Variants in PLXNB3 observed in about 807,000 individuals in gnomAD.
PLXNB3 encodes the protein plexin B3.
Under a neutral mutation model 125.7 loss-of-function variants are expected in PLXNB3, and 80 were observed. The observed-to-expected ratio is 0.64, with a 90% confidence interval of 0.53 to 0.77. PLXNB3 has a LOEUF of 0.77. Ranked by LOEUF, PLXNB3 falls within the 30% of genes least tolerant of loss-of-function variation. The pLI is 0.00. For synonymous variants in PLXNB3, 954 were observed against 783.3 expected, an observed-to-expected ratio of 1.22 and a Z score of -3.64; for missense variants, 1,836 against 1,729.3, an observed-to-expected ratio of 1.06 and a Z score of -1.09.
rs1440146266 is a variant in PLXNB3 at position 153,767,363 on chromosome X, C to T, written c.536C>T (p.Pro179Leu). The change falls in exon 3 of 36, where the codon CCC (proline) becomes CTC (leucine). Residue 179 changes from proline (P) to leucine (L), a missense_variant. Pro to Leu is a moderately conservative substitution (Grantham distance 98, BLOSUM62 -3). Transcript: ENST00000361971. Reference protein sequence around the residue: ...PGVATVGLVVPLPGRDLLLVA... With the variant: ...PGVATVGLVVLLPGRDLLLVA... ...GTGGCAACGGTGGGGCTGGTGGTGC[C>T]CTTGCCCGGCCGGGACCTCCTGCTT... 8.4e-7 allele frequency: 1 copy of T among 1,193,161 alleles called. No homozygotes were observed. The highest frequency in any genetic ancestry group is 1.1e-6 in the Non-Finnish European group (1 of 886,674).
chrX:153,766,616 C>T (rs1046035077), intron 2 of PLXNB3: 121 of 1,058,869 alleles, frequency 1.1e-4, no homozygotes, highest in Non-Finnish European at 1.3e-4. Flanking sequence ...TCCTTGTGTG[C>T]TTGTGCGTGC....
At chrX:153,773,074 G>T in intron 17 of PLXNB3, 58 bp downstream of exon 17, 3 of 1,112,724 alleles carry the variant, frequency 2.7e-6, no homozygotes, top group East Asian at 3.1e-5. Flanking sequence ...CTCAGTGGGG[G>T]TGGTACATTT....
chrX:153,770,360 C>T lies in PLXNB3; in HGVS notation c.1809C>T (p.Ala603=), dbSNP rs2091913903. The T allele has an allele frequency of 8.3e-7, 1 of 1,210,101 alleles. No individual in the cohort carries two copies. Residue 603 remains alanine (A), a synonymous_variant, in exon 9 of 36, where the codon GCC becomes GCT. Transcript: ENST00000361971. ...PGTDHVTVPL[A]LMFEDVTVAA... ...CAGACCACGTCACTGTGCCCCTGGC[C>T]CTGATGTTCGAGGACGTGACTGTGG...
chrX:153,772,371 G>A, intron 16 of PLXNB3, 84 bp downstream of exon 16: 1 of 716,764 alleles, frequency 1.4e-6, no homozygotes. Context: ...AGGATGTCAA[G>A]CTGGGTCTGC....
chrX:153,774,903 C>CG lies in PLXNB3; in HGVS notation c.3955_3956insG (p.Leu1319ArgfsTer37), dbSNP rs1557063468. On this transcript the variant is annotated frameshift_variant, in exon 24 of 36. Coordinates refer to ENST00000361971, the MANE Select transcript of PLXNB3 (RefSeq NM_005393.3). LOFTEE classifies it high-confidence loss of function. The stretch of plus-strand genomic sequence containing the variant: ...AGACCTCATGACGGAGATGACCGAC[C>CG]TCAGCAGCGACCTGGAGGGCAGCGG... The CG allele has an allele frequency of 8.4e-7, 1 of 1,193,072 alleles. No individual in the cohort carries two copies.
At chrX:153,766,655 C>T in intron 2 of PLXNB3, 1 of 753,048 alleles carries the variant, frequency 1.3e-6, no homozygotes, top group African/African-American at 2.3e-5. Context: ...GCCTCTTGCT[C>T]CAGCTCTTGG....
chrX:153,769,979 A>G (rs1557061012), intron 7 of PLXNB3, 40 bp downstream of exon 7: 1 of 1,193,486 alleles, frequency 8.4e-7, no homozygotes, highest in Admixed American at 2.2e-5. Context: ...GGGCAGCATG[A>G]CCACTGCCTG....
At position 153,778,108 on chromosome X, in the gene PLXNB3, C is replaced by CCAG; in HGVS notation, c.5409+24_5409+26dup. The stretch of plus-strand genomic sequence containing the variant: ...TAAAGTGGGCCGGGTGAGAGCAGTG[C>CCAG]CAGCAGCAGCAGCTGGCAGGGGCTT... On this transcript the variant is annotated intron_variant, in intron 32 of 35. Transcript: ENST00000361971. The CCAG allele has an allele frequency of 8.3e-7, 1 of 1,211,035 alleles. No individual in the cohort carries two copies. Among genetic ancestry groups the CCAG allele is most frequent in the Non-Finnish European group, 1.1e-6 (1 of 895,117 alleles).
rs1557061374 is a variant in PLXNB3, at chrX:153,770,558, G to C, written c.1926G>C (p.Arg642=). The change falls in exon 10 of 36, where the codon CGG becomes CGC. Residue 642 remains arginine (R), a synonymous_variant. Transcript: ENST00000361971. Reference sequence around the variant, plus strand: ...GCGCTTGCGTGGGCAGCATCTGGCGGTGTCACTGGTGCCCGCAGAGTAGCC... The same window carrying C: ...GCGCTTGCGTGGGCAGCATCTGGCGCTGTCACTGGTGCCCGCAGAGTAGCC... The part of the protein sequence containing the change: ...PCRACVGSIW[R]CHWCPQSSHC... 5 of 1,210,573 alleles carry C rather than the reference G, an allele frequency of 4.1e-6. No individual in the cohort carries two copies. The highest frequency in any genetic ancestry group is 5.6e-6 in the Non-Finnish European group (5 of 895,379).
rs1000728365 is a variant in PLXNB3, at chrX:153,775,267, G to A, written c.4198G>A (p.Asp1400Asn). 3.3e-6 allele frequency: 4 copies of A among 1,202,454 alleles called. No homozygotes were observed. The highest frequency in any genetic ancestry group is 3.4e-6 in the Non-Finnish European group (3 of 891,234). Residue 1400 changes from aspartate (D) to asparagine (N), a missense_variant, in exon 25 of 36, where the codon GAT becomes AAT. By Grantham distance (23) the Asp-to-Asn change is conservative (BLOSUM62 1). Transcript: ENST00000361971. ...GGAGCAGCCCAGCTTTTCCCAGAGG[G>A]ATCGCTGCCATGTGGCTTCGCTGCT... is the stretch of plus-strand genomic sequence containing the variant. ...LEEQPSFSQR[D>N]RCHVASLLSL...
chrX:153,777,778 T>G, intron 31 of PLXNB3, 90 bp downstream of exon 31: 4 of 1,091,969 alleles, frequency 3.7e-6, no homozygotes, highest in Non-Finnish European at 5.0e-6. Flanking sequence ...TGCGCCCACC[T>G]GGGGTTTCTG....
At position 153,778,253 on chromosome X, in the gene PLXNB3, C is replaced by G; in HGVS notation, c.5410-8C>G. 2 of 1,198,966 alleles carry G rather than the reference C, an allele frequency of 1.7e-6. No individual in the cohort carries two copies. Among genetic ancestry groups the G allele is most frequent in the Non-Finnish European group, 2.3e-6 (2 of 887,711 alleles). ...TCATGCCTAGCGCCTCCCCTCCCTC[C>G]GGAGCAGGATTCCCCAGTGAACAAA... On this transcript the variant is annotated splice_region_variant and splice_polypyrimidine_tract_variant and intron_variant, in intron 32 of 35. Transcript: ENST00000361971.
chrX:153,772,624 G>A, intron 16 of PLXNB3: 3 of 873,589 alleles, frequency 3.4e-6, no homozygotes, highest in Non-Finnish European at 4.4e-6. Flanking sequence ...AGCTGTGGTG[G>A]GGAGGAGGCT....
In PLXNB3 at chrX:153,771,328, C is replaced by T; in HGVS notation, c.2272C>T (p.Gln758Ter). 8.3e-7 allele frequency: 1 copy of T among 1,209,323 alleles called. No individual in the cohort carries two copies. Among genetic ancestry groups the T allele is most frequent in the Non-Finnish European group, 1.1e-6 (1 of 893,484 alleles). Residue 758 changes from glutamine to a stop codon, truncating the protein, a stop_gained, in exon 13 of 36, where the codon CAG becomes TAG. Coordinates refer to ENST00000361971, the MANE Select transcript of PLXNB3 (RefSeq NM_005393.3). LOFTEE classifies it high-confidence loss of function. ...CCCACAGTTTTATCCCTCCATGTCCCAGCGGGAGCTCCCAGTGCCCATCTA... is the reference window on the plus strand; with the variant it reads ...CCCACAGTTTTATCCCTCCATGTCCTAGCGGGAGCTCCCAGTGCCCATCTA... Reference protein sequence around the residue: ...QAHQFYPSMSQRELPVPIYVT... With the variant: ...QAHQFYPSMS
rs2091939246 is a variant in PLXNB3 at position 153,772,248 on chromosome X, C to T, written c.2736C>T (p.Ser912=). The part of the protein sequence containing the change: ...TTGPVRVAIK[S]QPPGISSQHF... Reference sequence around the variant, plus strand: ...GGCCCGTCCGGGTGGCCATTAAGAGCCAGCCACCAGGCATCTCAAGCCAGC... The same window carrying T: ...GGCCCGTCCGGGTGGCCATTAAGAGTCAGCCACCAGGCATCTCAAGCCAGC... The change falls in exon 16 of 36, where the codon AGC becomes AGT. Residue 912 remains serine (S), a synonymous_variant. Transcript: ENST00000361971. The T allele has an allele frequency of 8.3e-7, 1 of 1,208,768 alleles. No homozygotes were observed. The highest frequency in any genetic ancestry group is 3.0e-5 in the East Asian group (1 of 33,835).
intron 9 of PLXNB3, 28 bp from the exon 10 acceptor site, chrX:153,770,500 C>T: frequency 8.3e-7 from 1 of 1,202,474 alleles, no homozygotes; most frequent in Non-Finnish European, 1.1e-6. Flanking sequence ...AGAGGGCACT[C>T]AGTTGAGCAG....
chrX:153,772,810 G>A, intron 16 of PLXNB3, 76 bp from the exon 17 acceptor site: 2 of 1,043,489 alleles, frequency 1.9e-6, no homozygotes, highest in South Asian at 5.7e-5. Flanking sequence ...AGAACCGGAG[G>A]GCCTTGGGCA....
Position 153,773,441 on chromosome X carries a change from C to T in PLXNB3, c.3083+35C>T, listed in dbSNP as rs782053716. On this transcript the variant is annotated intron_variant, in intron 18 of 35. Coordinates refer to ENST00000361971, the MANE Select transcript of PLXNB3 (RefSeq NM_005393.3). ...AGCCCGCAGGCCAGCCTGTGCACCA[C>T]GCAGGAGGGAAGGTGGGATGCGGGC... The T allele has an allele frequency of 9.3e-6, 11 of 1,185,291 alleles. No homozygotes were observed. The East Asian group carries it at 2.4e-4, about 26-fold the overall frequency.
intron 16 of PLXNB3, chrX:153,772,670 G>A (rs2091944936): frequency 8.0e-6 from 8 of 1,001,144 alleles, no homozygotes; most frequent in South Asian, 3.4e-5. Context: ...GAGGATGAAA[G>A]AGCCCCACTT....
Sources: gnomAD v4.1 joint callset for allele counts on GRCh38, gnomAD v4.1.1 for gene constraint, MANE v1.5 for transcripts, NCBI Gene and HGNC (gene_info 2026-07-23, HGNC 2026-07-21) for gene names.